SLC22A15: variants seen among roughly 807,000 people sequenced by gnomAD.
SLC22A15 encodes solute carrier family 22 member 15, also known as flipt 1.
A neutral mutation model predicts 62.7 loss-of-function variants in SLC22A15; 45 were observed. That is an observed-to-expected ratio of 0.72 (90% confidence interval 0.56 to 0.92). SLC22A15 has a LOEUF of 0.92. Ranked by LOEUF, SLC22A15 falls within the 40% of genes least tolerant of loss-of-function variation. The pLI is 0.00. For synonymous variants in SLC22A15, 264 were observed against 267.0 expected (o/e 0.99, Z 0.11); for missense variants, 622 against 665.6 (o/e 0.93, Z 0.72).
intron 6 of SLC22A15, chr1:116,032,360 A>T (rs1206667099): frequency 2.0e-6 from 2 of 985,270 alleles, no homozygotes; most frequent in Non-Finnish European, 2.4e-6. Flanking sequence ...AATGTGCCAT[A>T]AGTGTTATCT....
At chr1:116,006,410 C>T (rs373513423) in intron 2 of SLC22A15, among the ~76,000 whole-genome samples, 7 of 152,124 alleles carry the variant, frequency 4.6e-5, no homozygotes, top group Admixed American at 3.3e-4. Flanking sequence ...AACTACTACT[C>T]TCAAGATAAA....
chr1:116,058,805 G>A (rs891670995), intron 8 of SLC22A15, among the ~76,000 whole-genome samples: 1 of 152,138 alleles, frequency 6.6e-6, no homozygotes, highest in East Asian at 1.9e-4. Flanking sequence ...TTAATTAATG[G>A]CATTTGCAGT....
intron 2 of SLC22A15, among the ~76,000 whole-genome samples, chr1:116,004,071 T>C (rs1450323307): frequency 6.6e-6 from 1 of 152,186 alleles, no homozygotes; most frequent in Non-Finnish European, 1.5e-5. Context: ...TACCTCTCCT[T>C]AATTCCTGTT....
intron 2 of SLC22A15, among the ~76,000 whole-genome samples, chr1:116,003,506 G>A (rs1570713140): frequency 1.3e-5 from 2 of 152,312 alleles, no homozygotes; most frequent in East Asian, 3.9e-4. Flanking sequence ...CTGACCACTG[G>A]GATGGGCGAT....
At chr1:115,984,587 A>G (rs988093149) in intron 1 of SLC22A15, among the ~76,000 whole-genome samples, 7 of 152,120 alleles carry the variant, frequency 4.6e-5, no homozygotes, top group African/African-American at 1.7e-4. Context: ...TATATTTTTA[A>G]TTGTTATTTT....
At chr1:116,028,960 A>G (rs1410379538) in intron 5 of SLC22A15, among the ~76,000 whole-genome samples, 1 of 152,088 alleles carries the variant, frequency 6.6e-6, no homozygotes, top group Non-Finnish European at 1.5e-5. Flanking sequence ...ATTCCACGGC[A>G]TTCACCCATA....
chr1:116,059,860 G>A (rs540458636), intron 8 of SLC22A15, among the ~76,000 whole-genome samples: 4 of 152,274 alleles, frequency 2.6e-5, no homozygotes, highest in African/African-American at 9.6e-5. Flanking sequence ...ATGGTATCTG[G>A]AAAACCTTCC....
rs1044793223 is a variant in SLC22A15 at position 115,985,588 on chromosome 1, T to C, written c.88-6443T>C. 2.0e-5 allele frequency among the ~76,000 whole-genome samples: 3 copies of C among 152,316 alleles called. No individual in the cohort carries two copies. The South Asian group carries it at 6.2e-4, about 32-fold the overall frequency. On this transcript the variant is annotated intron_variant, in intron 1 of 11. Coordinates refer to ENST00000369503, the MANE Select transcript of SLC22A15 (RefSeq NM_018420.3). ...TTTGGTGCTTGTTACAATTTTGTTT[T>C]TTTTTTAAAATTAAACCATTGAAGA...
Position 116,019,705 on chromosome 1 carries a change from T to C in SLC22A15, c.424T>C (p.Tyr142His). The C allele has an allele frequency of 6.2e-7, 1 of 1,612,702 alleles. No homozygotes were observed. Among genetic ancestry groups the C allele is most frequent in the Non-Finnish European group, 8.5e-7 (1 of 1,179,586 alleles). The change falls in exon 3 of 12, where the codon TAT (tyrosine) becomes CAT (histidine). Residue 142 changes from tyrosine (Y) to histidine (H), a missense_variant. Transcript: ENST00000369503. ...AGATCGCTTCGGAAGGAAAAAAGTC[T>C]ATCTCACAGGTAATCTATTAGAGTA... is the stretch of plus-strand genomic sequence containing the variant. ...LSDRFGRKKV[Y>H]LTGFALDILF...
rs145095698 is a variant in SLC22A15 at position 116,032,007 on chromosome 1, G to A, written c.944+426G>A. The stretch of plus-strand genomic sequence containing the variant: ...CAGTTTGCTAGCACATTCTGATTGC[G>A]GTGCTCCATGCTGCATTTTCTGTGG... On this transcript the variant is annotated intron_variant, in intron 6 of 11. Transcript: ENST00000369503. 220 of 1,045,672 alleles carry A rather than the reference G, an allele frequency of 2.1e-4. 1 individual carries two copies. The South Asian group carries it at 2.5e-3, about 12-fold the overall frequency. 64.8% of individuals were successfully genotyped at this position (1,045,672 alleles called of 1,614,324 possible). A position where few individuals can be genotyped will look rare whatever the true frequency, so the allele number is the denominator to read the frequency against.
At chr1:115,996,063 T>C (rs924533656) in intron 2 of SLC22A15, among the ~76,000 whole-genome samples, 2 of 152,192 alleles carry the variant, frequency 1.3e-5, no homozygotes, top group Non-Finnish European at 2.9e-5. Flanking sequence ...CCTTACCCTT[T>C]TCTTAATCGC....
chr1:116,002,353 T>C (rs1332010970), intron 2 of SLC22A15, among the ~76,000 whole-genome samples: 1 of 152,168 alleles, frequency 6.6e-6, no homozygotes, highest in East Asian at 1.9e-4. Flanking sequence ...TGGCTATTGC[T>C]GATGTTTATT....
chr1:116,020,654 AT>A (rs1656780978), intron 3 of SLC22A15, 66 bp from the exon 4 acceptor site: 1 of 1,240,678 alleles, frequency 8.1e-7, no homozygotes. Flanking sequence ...GCTAATGAAT[AT>A]AATTTATTAC....
At chr1:116,041,056 G>T (rs1032324175) in intron 8 of SLC22A15, among the ~76,000 whole-genome samples, 1 of 152,210 alleles carries the variant, frequency 6.6e-6, no homozygotes, top group Admixed American at 6.5e-5. Context: ...TATCAGAGTG[G>T]CATTGGGCTC....
intron 2 of SLC22A15, chr1:116,014,109 A>C (rs1270080587): frequency 6.6e-6 from 1 of 152,196 alleles, no homozygotes; most frequent in Non-Finnish European, 1.5e-5. Flanking sequence ...ATAAATATCA[A>C]AAAAAGAAAC....
intron 6 of SLC22A15, among the ~76,000 whole-genome samples, chr1:116,034,678 G>A (rs934323855): frequency 1.3e-5 from 2 of 152,202 alleles, no homozygotes; most frequent in Non-Finnish European, 2.9e-5. Flanking sequence ...ATTGGGGATT[G>A]GAGTGCCAGT....
chr1:116,062,386 G>A (rs1382174108), intron 8 of SLC22A15, among the ~76,000 whole-genome samples: 5 of 152,094 alleles, frequency 3.3e-5, no homozygotes, highest in African/African-American at 4.8e-5. Flanking sequence ...ACTGTTTTAC[G>A]TCATTGATTA....
chr1:116,033,223 A>G (rs1433376891), intron 6 of SLC22A15, among the ~76,000 whole-genome samples: 2 of 152,184 alleles, frequency 1.3e-5, no homozygotes, highest in African/African-American at 2.4e-5. Context: ...TCCTTTAGTT[A>G]TTTTCCACAA....
chr1:116,001,429 A>C (rs1655724091), intron 2 of SLC22A15, among the ~76,000 whole-genome samples: 1 of 151,968 alleles, frequency 6.6e-6, no homozygotes, highest in Non-Finnish European at 1.5e-5. Flanking sequence ...TTCTGTCCTG[A>C]TGTCTTTCTC....
Sources: gnomAD v4.1 joint callset for allele counts (sites outside exome capture counted in the v4.1 genomes callset) on GRCh38, gnomAD v4.1.1 for gene constraint, MANE v1.5 for transcripts, NCBI Gene and HGNC (gene_info 2026-07-23, HGNC 2026-07-21) for gene names.